NOS1AP: variants seen among roughly 807,000 people sequenced by gnomAD.
NOS1AP encodes nitric oxide synthase 1 adaptor protein, also known as carboxyl-terminal PDZ ligand of neuronal nitric oxide synthase protein.
A neutral mutation model predicts 56.2 loss-of-function variants in NOS1AP; 21 were observed. That is an observed-to-expected ratio of 0.37 (90% CI 0.26 to 0.54). The LOEUF (loss-of-function observed/expected upper bound fraction) is 0.54, where lower values mean the gene tolerates loss of function less well. Ranked by LOEUF, NOS1AP falls within the 20% of genes least tolerant of loss-of-function variation. The pLI is 0.84. For synonymous variants in NOS1AP, 270 were observed against 274.6 expected (o/e 0.98, Z 0.17); for missense variants, 522 against 657.8 (o/e 0.79, Z 2.26).
chr1:162,367,097 C>A lies in NOS1AP; in HGVS notation c.1151C>A (p.Ala384Asp), dbSNP rs1338138423. 1.9e-6 allele frequency: 3 copies of A among 1,613,968 alleles called. No individual in the cohort carries two copies. The highest frequency in any genetic ancestry group is 2.2e-5 in the South Asian group (2 of 91,086). Residue 384 changes from alanine to aspartate, a missense_variant, in exon 10 of 10, where the codon GCC becomes GAC. This residue lies in a region of NOS1AP where 160 missense variants were observed against 180.3 expected (regional missense o/e 0.89). Transcript: ENST00000361897. This position sits in a 1 kb window ranked among gnomAD's most constrained non-coding sequence, Gnocchi z 6.5. ...SLLEITFRSG[A>D]LPVLCDPTTP... is the part of the protein sequence containing the mutation. ...CTGGAGATCACCTTCCGCTCCGGAG[C>A]CCTGCCCGTGCTCTGTGACCCCACG...
At chr1:162,319,495 A>G (rs942915624) in intron 4 of NOS1AP, among the ~76,000 whole-genome samples, 3 of 151,710 alleles carry the variant, frequency 2.0e-5, no homozygotes, top group Non-Finnish European at 4.4e-5. Context: ...TTCTGTCCCC[A>G]TCTCCCACCA....
At chr1:162,153,822 C>T (rs762191188) in intron 1 of NOS1AP, among the ~76,000 whole-genome samples, 2 of 152,160 alleles carry the variant, frequency 1.3e-5, no homozygotes, top group Non-Finnish European at 2.9e-5. Context: ...AGAAAGTACT[C>T]ATATTAAGCA....
chr1:162,098,515 T>A (rs1692302336), intron 1 of NOS1AP, among the ~76,000 whole-genome samples: 1 of 149,956 alleles, frequency 6.7e-6, no homozygotes, highest in Non-Finnish European at 1.5e-5. Context: ...TTTCTCTAAC[T>A]TTTATTTTAA....
At chr1:162,245,436 C>G (rs1404249574) in intron 2 of NOS1AP, among the ~76,000 whole-genome samples, 2 of 152,158 alleles carry the variant, frequency 1.3e-5, no homozygotes, top group African/African-American at 4.8e-5. Flanking sequence ...GGTGGGAATG[C>G]AAAATGGTAC....
At chr1:162,110,495 T>A (rs960890229) in intron 1 of NOS1AP, among the ~76,000 whole-genome samples, 3 of 152,200 alleles carry the variant, frequency 2.0e-5, no homozygotes, top group Non-Finnish European at 4.4e-5. Context: ...ATGGAATGGC[T>A]TGTCAAGTCT....
At position 162,311,012 on chromosome 1, in the gene NOS1AP, T is replaced by G. The variant is rs543322285; in HGVS notation, c.344+10306T>G. On this transcript the variant is annotated intron_variant, in intron 4 of 9. Transcript: ENST00000361897. ...CTCCCTACAAATATGTTCAGCTCTC[T>G]CCTTTCCTTTTTTTAACCCTGCTAA... 2.0e-5 allele frequency among the ~76,000 whole-genome samples: 3 copies of G among 152,202 alleles called. No individual in the cohort carries two copies. In the South Asian group the frequency reaches 6.2e-4, roughly 32 times the overall value.
intron 2 of NOS1AP, among the ~76,000 whole-genome samples, chr1:162,265,890 C>A (rs1262222526): frequency 6.6e-6 from 1 of 152,100 alleles, no homozygotes; most frequent in African/African-American, 2.4e-5. Context: ...GTGTAGTAGC[C>A]CATGGTATCG....
chr1:162,349,798 A>G (rs979189087), intron 6 of NOS1AP, among the ~76,000 whole-genome samples: 3 of 152,196 alleles, frequency 2.0e-5, no homozygotes, highest in Non-Finnish European at 4.4e-5. Flanking sequence ...GTCCAAGTGA[A>G]ATGATTAACT....
chr1:162,361,692 T>C (rs957817686), intron 8 of NOS1AP, among the ~76,000 whole-genome samples: 1 of 152,240 alleles, frequency 6.6e-6, no homozygotes, highest in African/African-American at 2.4e-5. Flanking sequence ...AACTCTTATT[T>C]AATCTGGTAC....
Position 162,152,714 on chromosome 1 carries a change from TTAGCA to T in NOS1AP, c.106-1690_106-1686del, listed in dbSNP as rs776193093. On this transcript the variant is annotated intron_variant, in intron 1 of 9. Transcript: ENST00000361897. ...CTTGCCAGCTGTGTTCTTCAGTGTA[TTAGCA>T]CAAACTGTTGATCAATACTAGGGGA... Among the ~76,000 whole-genome samples the T allele has an allele frequency of 2.6e-3, 389 of 152,342 alleles. 1 individual carries two copies. Among genetic ancestry groups the T allele is most frequent in the Admixed American group, 9.9e-3 (152 of 15,306 alleles).
intron 2 of NOS1AP, among the ~76,000 whole-genome samples, chr1:162,241,914 A>C (rs991063779): frequency 2.6e-5 from 4 of 152,192 alleles, no homozygotes; most frequent in Admixed American, 6.5e-5. Flanking sequence ...CCTTCCTCCT[A>C]AATCATCTCA....
At chr1:162,220,438 G>A (rs1194910550) in intron 2 of NOS1AP, among the ~76,000 whole-genome samples, 1 of 152,114 alleles carries the variant, frequency 6.6e-6, no homozygotes, top group Non-Finnish European at 1.5e-5. Context: ...TCCAGAGTGC[G>A]TATTGGACCC....
At chr1:162,111,316 T>C (rs1647701713) in intron 1 of NOS1AP, among the ~76,000 whole-genome samples, 1 of 152,180 alleles carries the variant, frequency 6.6e-6, no homozygotes, top group Non-Finnish European at 1.5e-5. Context: ...GGAGAGAACA[T>C]GAAAGCCATT....
intron 1 of NOS1AP, among the ~76,000 whole-genome samples, chr1:162,104,042 TA>T (rs2102034232): frequency 6.6e-6 from 1 of 152,376 alleles, no homozygotes; most frequent in East Asian, 1.9e-4. Flanking sequence ...TAGTGGCTAG[TA>T]ATGATTTTTT....
rs533177384 is a variant in NOS1AP, at chr1:162,315,271, C to T, written c.344+14565C>T. Among the ~76,000 whole-genome samples, 22 of 152,320 alleles carry T rather than the reference C, an allele frequency of 1.4e-4. No homozygotes were observed. The East Asian group carries it at 3.7e-3, about 25-fold the overall frequency. On this transcript the variant is annotated intron_variant, in intron 4 of 9. Transcript: ENST00000361897. ...TCTTGATTTGGAGCTGTAGCCCCTG[C>T]CTGACAAACCTTTAATATTAATAGA...
intron 2 of NOS1AP, among the ~76,000 whole-genome samples, chr1:162,214,711 T>A (rs1366229570): frequency 6.6e-6 from 1 of 152,236 alleles, no homozygotes; most frequent in African/African-American, 2.4e-5. Context: ...ATATTTGTTA[T>A]TGTTTATTGT....
intron 4 of NOS1AP, among the ~76,000 whole-genome samples, chr1:162,319,564 C>T (rs1334010213): frequency 6.6e-6 from 1 of 152,136 alleles, no homozygotes; most frequent in Non-Finnish European, 1.5e-5. Flanking sequence ...CTCATGACCT[C>T]ATGCCTTTCC....
At chr1:162,097,680 G>A (rs1692276943) in intron 1 of NOS1AP, among the ~76,000 whole-genome samples, 1 of 152,104 alleles carries the variant, frequency 6.6e-6, no homozygotes, top group Non-Finnish European at 1.5e-5. Context: ...TATGTGTGGA[G>A]GTCCATTTCA....
chr1:162,184,826 C>T (rs532018502), intron 2 of NOS1AP, among the ~76,000 whole-genome samples: 31 of 152,276 alleles, frequency 2.0e-4, no homozygotes, highest in African/African-American at 6.5e-4. Flanking sequence ...CAGTGAGAAC[C>T]GTGATTTCAG....
Sources: gnomAD v4.1 joint callset for allele counts (sites outside exome capture counted in the v4.1 genomes callset) on GRCh38, gnomAD v4.1.1 for gene constraint, gnomAD v4.1.1 regional missense constraint, Gnocchi (gnomAD v3.1) non-coding constraint, MANE v1.5 for transcripts, NCBI Gene and HGNC (gene_info 2026-07-23, HGNC 2026-07-21) for gene names.